RALGAPA1: variants seen among roughly 807,000 people sequenced by gnomAD.
RALGAPA1 encodes ral GTPase-activating protein subunit alpha-1.
A neutral mutation model predicts 269.6 loss-of-function variants in RALGAPA1; 52 were observed. The observed-to-expected ratio is 0.19, with a 90% CI of 0.15 to 0.24. RALGAPA1 has a LOEUF of 0.24. Among genes scored for constraint, RALGAPA1 ranks in the 10% least tolerant of loss-of-function variants. The pLI is 1.00. For missense variants in RALGAPA1, 1,917 were observed against 3,013.9 expected (o/e 0.64, Z 8.52); for synonymous variants, 817 against 1,008.3 (o/e 0.81, Z 3.60).
chr14:35,768,013 G>A (rs2074294026), intron 4 of RALGAPA1, among the ~76,000 whole-genome samples: 2 of 152,088 alleles, frequency 1.3e-5, no homozygotes, highest in South Asian at 4.1e-4. Flanking sequence ...ATGCTCAAGC[G>A]ATCCACCTGC....
chr14:35,760,805 C>A (rs201766324), intron 6 of RALGAPA1, 24 bp downstream of exon 6: 12 of 1,585,824 alleles, frequency 7.6e-6, no homozygotes, highest in Non-Finnish European at 9.5e-6. Context: ...AACCTACTGA[C>A]GGATAACATC....
At chr14:35,560,129 G>T (rs1594578340) in intron 39 of RALGAPA1, among the ~76,000 whole-genome samples, 1 of 152,176 alleles carries the variant, frequency 6.6e-6, no homozygotes, top group African/African-American at 2.4e-5. Flanking sequence ...AATTCAAGCT[G>T]TAATTGTTTC....
intron 37 of RALGAPA1, among the ~76,000 whole-genome samples, chr14:35,573,259 T>C (rs1447611483): frequency 6.6e-6 from 1 of 152,176 alleles, no homozygotes; most frequent in African/African-American, 2.4e-5. Flanking sequence ...AACATTATGA[T>C]AATTAAAACT....
intron 1 of RALGAPA1, among the ~76,000 whole-genome samples, chr14:35,791,468 T>C (rs2076162578): frequency 6.6e-6 from 1 of 151,638 alleles, no homozygotes. Flanking sequence ...TAGCCGGGCA[T>C]TGGTGGCAGG....
intron 1 of RALGAPA1, among the ~76,000 whole-genome samples, chr14:35,796,126 G>A (rs1404593600): frequency 6.6e-6 from 1 of 152,100 alleles, no homozygotes; most frequent in East Asian, 1.9e-4. Context: ...GTCACAATTA[G>A]CAGAGAAGTA....
intron 31 of RALGAPA1, among the ~76,000 whole-genome samples, chr14:35,651,478 C>T (rs2062823140): frequency 6.6e-6 from 1 of 152,024 alleles, no homozygotes; most frequent in African/African-American, 2.4e-5. Flanking sequence ...AAGTGGCTGC[C>T]TTTAGAGGTG....
At chr14:35,752,518 G>A (rs1406826036) in intron 7 of RALGAPA1, among the ~76,000 whole-genome samples, 1 of 152,152 alleles carries the variant, frequency 6.6e-6, no homozygotes. Flanking sequence ...GTGTGTGTAT[G>A]TAAGCAGTAG....
In RALGAPA1 at chr14:35,709,627, C is replaced by T. The variant is rs577431185; in HGVS notation, c.2267-9325G>A. Among the ~76,000 whole-genome samples, 4 of 151,600 alleles carry T rather than the reference C, an allele frequency of 2.6e-5. No homozygotes were observed. The East Asian group carries it at 7.7e-4, about 29-fold the overall frequency. On this transcript the variant is annotated intron_variant, in intron 16 of 41. Coordinates refer to ENST00000680220, the MANE Select transcript of RALGAPA1 (RefSeq NM_001346249.2). ...ACTTTGGATTTTTTTTCTCTAGTTT[C>T]CTATGGTGGAAGCTTAGATTACTGG...
chr14:35,802,179 G>C (rs2077026297), intron 1 of RALGAPA1, among the ~76,000 whole-genome samples: 1 of 152,124 alleles, frequency 6.6e-6, no homozygotes, highest in Non-Finnish European at 1.5e-5. Context: ...TCAGTGGTGT[G>C]TGCCTGTAAT....
In RALGAPA1 at chr14:35,809,049, C is replaced by G. The variant is rs953925363; in HGVS notation, c.-214G>C. 6 of 782,500 alleles carry G rather than the reference C, an allele frequency of 7.7e-6. No homozygotes were observed. The African/African-American group carries it at 1.1e-4, about 14-fold the overall frequency. The allele number at this position is 782,500 out of a possible 1,614,324, so 48.5% of individuals were successfully genotyped here. ...GCCGCGGCTCCAAGGCACCTTCGGC[C>G]CCAGCTCCAATATGGCGGATCCCTC... On this transcript the variant is annotated 5_prime_UTR_variant, in exon 1 of 42. Transcript: ENST00000680220.
chr14:35,758,180 G>T (rs1054658283), intron 6 of RALGAPA1, among the ~76,000 whole-genome samples: 2 of 144,890 alleles, frequency 1.4e-5, no homozygotes, highest in African/African-American at 2.6e-5. Context: ...GGTGGTGGAG[G>T]TTGCAGTGAG....
intron 21 of RALGAPA1, among the ~76,000 whole-genome samples, chr14:35,678,378 T>C (rs1336400688): frequency 6.6e-6 from 1 of 152,164 alleles, no homozygotes. Context: ...TCTACTCCCA[T>C]TTCTGGCCCA....
rs189249831 is a variant in RALGAPA1, at chr14:35,589,309, G to A, written c.7209+6325C>T. 3.2e-4 allele frequency among the ~76,000 whole-genome samples: 49 copies of A among 152,232 alleles called. 1 individual carries two copies. The highest frequency in any genetic ancestry group is 3.4e-3 in the Middle Eastern group (1 of 294). On this transcript the variant is annotated intron_variant, in intron 37 of 41. Coordinates refer to ENST00000680220, the MANE Select transcript of RALGAPA1 (RefSeq NM_001346249.2). ...GTCAAGGGACACAAAATTTAAGTTA[G>A]GAGGAATGAGTTAAAGAGAGCTATT...
chr14:35,605,845 G>A, intron 35 of RALGAPA1, 136 bp from the exon 36 acceptor site: 1 of 986,608 alleles, frequency 1.0e-6, no homozygotes, highest in Non-Finnish European at 1.4e-6. Context: ...TACAGAAGGA[G>A]ATATAAATGC....
At chr14:35,611,779 T>C (rs57835751) in intron 35 of RALGAPA1, among the ~76,000 whole-genome samples, 18,333 of 152,010 alleles carry the variant, frequency 0.12, 1,163 homozygotes, top group South Asian at 0.14. Context: ...CCTCTGAAAT[T>C]GACTAGCTCA....
chr14:35,572,259 AT>A (rs1028731888), intron 38 of RALGAPA1, among the ~76,000 whole-genome samples: 1 of 152,200 alleles, frequency 6.6e-6, no homozygotes, highest in Non-Finnish European at 1.5e-5. Context: ...TTTTTAGGAA[AT>A]TGTAATTGTT....
chr14:35,620,595 T>A (rs2060553074), intron 35 of RALGAPA1, among the ~76,000 whole-genome samples: 1 of 152,134 alleles, frequency 6.6e-6, no homozygotes, highest in Admixed American at 6.5e-5. Context: ...GATGACATGA[T>A]CGTATATTTA....
chr14:35,761,474 A>T (rs551409064), intron 5 of RALGAPA1, among the ~76,000 whole-genome samples: 2 of 152,286 alleles, frequency 1.3e-5, no homozygotes, highest in South Asian at 4.1e-4. Flanking sequence ...AATTATTAAA[A>T]TTATTAAGTT....
At position 35,766,162 on chromosome 14, in the gene RALGAPA1, A is replaced by G. The variant is rs2074124489; in HGVS notation, c.326-3409T>C. On this transcript the variant is annotated intron_variant, in intron 4 of 41. Transcript: ENST00000680220. ...GCCTACTGTGGGCTTGTTGGTTTCA[A>G]ACCAAACTATGGCTTAGTTTCCCAT... The G allele has an allele frequency of 5.7e-5, 50 of 880,352 alleles. 1 individual carries two copies. The South Asian group carries it at 6.5e-4, about 12-fold the overall frequency. The allele number at this position is 880,352 out of a possible 1,614,324, so 54.5% of individuals were successfully genotyped here.
Sources: gnomAD v4.1 joint callset for allele counts (sites outside exome capture counted in the v4.1 genomes callset) on GRCh38, gnomAD v4.1.1 for gene constraint, MANE v1.5 for transcripts, NCBI Gene and HGNC (gene_info 2026-07-23, HGNC 2026-07-21) for gene names.